The following AP3B1 variants were observed in gnomAD, a reference collection of about 807,000 sequenced individuals.
The protein encoded by AP3B1 is AP-3 complex subunit beta-1.
A neutral mutation model predicts 132.5 loss-of-function variants in AP3B1; 61 were observed. The ratio of observed to expected loss-of-function variants is 0.46; its 90% CI spans 0.37 to 0.57. The LOEUF (loss-of-function observed/expected upper bound fraction) is 0.57. Ranked by LOEUF, AP3B1 falls within the 20% of genes least tolerant of loss-of-function variation. The pLI, the probability that AP3B1 is intolerant of heterozygous loss-of-function variation, is 0.00. For synonymous variants in AP3B1, 388 were observed against 438.3 expected, an observed-to-expected ratio of 0.89 and a Z score of 1.43; for missense variants, 1,120 against 1,289.4, an observed-to-expected ratio of 0.87 and a Z score of 2.01.
At chr5:78,092,267 C>T (rs1210275732) in intron 21 of AP3B1, among the ~76,000 whole-genome samples, 1 of 152,118 alleles carries the variant, frequency 6.6e-6, no homozygotes, top group Admixed American at 6.5e-5. Flanking sequence ...AACTTCACAC[C>T]ACAAGCAAGT....
intron 2 of AP3B1, among the ~76,000 whole-genome samples, chr5:78,249,906 T>A (rs1747558415): frequency 6.6e-6 from 1 of 152,142 alleles, no homozygotes; most frequent in South Asian, 2.1e-4. Flanking sequence ...TAATGATCTG[T>A]CTTCAACTTC....
At chr5:78,237,065 T>C (rs542858331) in intron 3 of AP3B1, among the ~76,000 whole-genome samples, 1 of 152,370 alleles carries the variant, frequency 6.6e-6, no homozygotes, top group South Asian at 2.1e-4. Context: ...TTTAATCTAA[T>C]TCATAAACTG....
At chr5:78,121,250 C>T (rs1288531468) in intron 17 of AP3B1, among the ~76,000 whole-genome samples, 11 of 151,612 alleles carry the variant, frequency 7.3e-5, no homozygotes, top group Admixed American at 5.3e-4. Flanking sequence ...AGGAAAGATC[C>T]AAAATTGACA....
chr5:78,100,988 A>G lies in AP3B1; in HGVS notation c.2435T>C (p.Leu812Pro), dbSNP rs1561406887. Residue 812 changes from leucine (L) to proline (P), a missense_variant, in exon 21 of 27, where the codon CTT becomes CCT. Physicochemically the swap from Leu to Pro is moderately conservative, Grantham distance 98. Around this residue, in one of 3 missense-constraint regions of AP3B1, gnomAD observed 906 missense variants for 997.1 expected, o/e 0.91. Transcript: ENST00000255194. ...EKKTKQDRTP[L>P]TKDVSLLDLD... ...ATCTAGAAGTGAAACATCTTTGGTAAGAGGAGTTCTATCTTGCTTTGTTTT... is the reference window on the plus strand; with the variant it reads ...ATCTAGAAGTGAAACATCTTTGGTAGGAGGAGTTCTATCTTGCTTTGTTTT... 1 of 1,554,416 alleles carries G rather than the reference A, an allele frequency of 6.4e-7. No homozygotes were observed. The highest frequency in any genetic ancestry group is 8.9e-7 in the Non-Finnish European group (1 of 1,129,274).
intron 11 of AP3B1, among the ~76,000 whole-genome samples, chr5:78,172,459 C>A (rs2112393796): frequency 6.6e-6 from 1 of 152,266 alleles, no homozygotes; most frequent in Non-Finnish European, 1.5e-5. Flanking sequence ...CTCGTTTAGT[C>A]TTGGGAGTGT....
At chr5:78,257,447 G>A (rs927615072) in intron 2 of AP3B1, among the ~76,000 whole-genome samples, 1 of 151,892 alleles carries the variant, frequency 6.6e-6, no homozygotes, top group Non-Finnish European at 1.5e-5. Context: ...TAAATACCCA[G>A]GAATTAACTT....
intron 22 of AP3B1, among the ~76,000 whole-genome samples, chr5:78,049,574 T>C (rs1022164909): frequency 1.3e-5 from 2 of 152,150 alleles, no homozygotes; most frequent in South Asian, 4.1e-4. Context: ...ACAAAAGTCA[T>C]AGCTGACACC....
rs147803557 is a variant in AP3B1 at position 78,027,830 on chromosome 5, A to G, written c.2894+6531T>C. 1.4e-3 allele frequency among the ~76,000 whole-genome samples: 215 copies of G among 152,276 alleles called. 1 individual carries two copies. Among genetic ancestry groups the G allele is most frequent in the African/African-American group, 5.0e-3 (208 of 41,538 alleles). On this transcript the variant is annotated intron_variant, in intron 24 of 26. Transcript: ENST00000255194. ...GTTGATTCCAACTTTATGGGTTAATAATTATGTTGAATAGGCCAGGAACAG... is the reference window on the plus strand; with the variant it reads ...GTTGATTCCAACTTTATGGGTTAATGATTATGTTGAATAGGCCAGGAACAG...
chr5:78,047,947 G>A (rs112151518), intron 22 of AP3B1, among the ~76,000 whole-genome samples: 2 of 152,240 alleles, frequency 1.3e-5, no homozygotes, highest in African/African-American at 2.4e-5. Flanking sequence ...TCCCAGAGCC[G>A]CTTATTTCAA....
chr5:78,159,595 T>C (rs2112364059), intron 13 of AP3B1, among the ~76,000 whole-genome samples: 1 of 152,250 alleles, frequency 6.6e-6, no homozygotes, highest in East Asian at 1.9e-4. Flanking sequence ...CTGACCTGCG[T>C]CTCTCTTTCC....
At chr5:78,053,678 CAAAAAA>C (rs1166305470) in intron 22 of AP3B1, among the ~76,000 whole-genome samples, 7 of 75,590 alleles carry the variant, frequency 9.3e-5, no homozygotes, top group Non-Finnish European at 1.7e-4. Flanking sequence ...GACTCCATCT[CAAAAAA>C]AAAAAAAAAA....
At chr5:78,077,031 G>C (rs1344322318) in intron 22 of AP3B1, among the ~76,000 whole-genome samples, 1 of 152,116 alleles carries the variant, frequency 6.6e-6, no homozygotes, top group Non-Finnish European at 1.5e-5. Flanking sequence ...GTTACAGCTG[G>C]TGTCAGAAAT....
chr5:78,210,575 C>T (rs187103856), intron 7 of AP3B1, among the ~76,000 whole-genome samples: 189 of 152,164 alleles, frequency 1.2e-3, no homozygotes, highest in African/African-American at 4.2e-3. Context: ...TTACATAACC[C>T]GGATTCATAT....
At chr5:78,149,786 T>C (rs546973457) in intron 14 of AP3B1, among the ~76,000 whole-genome samples, 2 of 152,346 alleles carry the variant, frequency 1.3e-5, no homozygotes, top group East Asian at 3.9e-4. Context: ...TCTTAACCCC[T>C]ACATCTCTCA....
chr5:78,091,447 C>T (rs926285857), intron 21 of AP3B1, among the ~76,000 whole-genome samples: 68 of 152,152 alleles, frequency 4.5e-4, no homozygotes, highest in African/African-American at 1.5e-3. Context: ...TCACTTAGTA[C>T]GGCTGAAGCA....
chr5:78,203,340 CAG>C (rs1380849804), intron 7 of AP3B1, among the ~76,000 whole-genome samples: 5 of 152,094 alleles, frequency 3.3e-5, no homozygotes, highest in Non-Finnish European at 7.4e-5. Flanking sequence ...CACCTCTTAA[CAG>C]GGTAGCAGGA....
At chr5:78,096,160 G>C (rs985319682) in intron 21 of AP3B1, among the ~76,000 whole-genome samples, 2 of 152,168 alleles carry the variant, frequency 1.3e-5, no homozygotes, top group African/African-American at 2.4e-5. Context: ...GCAGGCGCGC[G>C]CCGCCATGCC....
At chr5:78,012,167 T>C (rs1350215483) in intron 26 of AP3B1, among the ~76,000 whole-genome samples, 1 of 151,870 alleles carries the variant, frequency 6.6e-6, no homozygotes, top group South Asian at 2.1e-4. Flanking sequence ...AATTAAATAA[T>C]ATATAAACTT....
chr5:78,174,430 G>T (rs1744057887), intron 11 of AP3B1, among the ~76,000 whole-genome samples: 1 of 152,152 alleles, frequency 6.6e-6, no homozygotes. Flanking sequence ...AGTTTTCCTT[G>T]TAACAGTCAG....
Sources: gnomAD v4.1 joint callset for allele counts (sites outside exome capture counted in the v4.1 genomes callset) on GRCh38, gnomAD v4.1.1 for gene constraint, gnomAD v4.1.1 regional missense constraint, MANE v1.5 for transcripts, NCBI Gene and HGNC (gene_info 2026-07-23, HGNC 2026-07-21) for gene names.